Variants in PFKFB3 observed in about 807,000 individuals in gnomAD.
PFKFB3 encodes 6-phosphofructo-2-kinase/fructose-2,6-biphosphatase 3.
In PFKFB3, 33 loss-of-function variants were observed where a neutral mutation model predicts 68.0. That is an observed-to-expected ratio of 0.49 (90% CI 0.37 to 0.65). PFKFB3 has a LOEUF of 0.65. PFKFB3 is among the 30% of genes least tolerant of loss of function. The probability of loss-of-function intolerance (pLI) is 0.00; values close to 1 mark genes in which losing one functional copy is unlikely to be tolerated. For synonymous variants in PFKFB3, 315 were observed against 288.2 expected (o/e 1.09, Z -0.94); for missense variants, 586 against 712.2 (o/e 0.82, Z 2.02).
chr10:6,172,956 C>A (rs551469880), intron 1 of PFKFB3, among the ~76,000 whole-genome samples: 26 of 152,306 alleles, frequency 1.7e-4, no homozygotes, highest in African/African-American at 6.3e-4. Context: ...TCATCTCCCA[C>A]ACCTTCACCT....
At chr10:6,310,906 T>C in the PFKFB3 span, among the ~76,000 whole-genome samples, 1 of 152,242 alleles carries the variant, frequency 6.6e-6, no homozygotes, top group South Asian at 2.1e-4. Context: ...TCTTAAACTT[T>C]GTTTAGTATT....
intron 1 of PFKFB3, among the ~76,000 whole-genome samples, chr10:6,196,097 C>T (rs541171463): frequency 7.3e-4 from 110 of 149,782 alleles, no homozygotes; most frequent in African/African-American, 2.2e-3. Context: ...TGAGACAGCA[C>T]GGGCAGCAGG....
chr10:6,216,633 C>A, intron 4 of PFKFB3, 73 bp from the exon 5 acceptor site: 1 of 1,048,198 alleles, frequency 9.5e-7, no homozygotes, highest in South Asian at 1.3e-5. Context: ...GGTCTGGCAT[C>A]TTTGCTGTTC....
chr10:6,254,108 T>C (rs1846446300), intron 14 of PFKFB3: 1 of 385,098 alleles, frequency 2.6e-6, no homozygotes. Context: ...TTTTTTTTTT[T>C]TTTTTTTCTC....
intron 10 of PFKFB3, 80 bp from the exon 11 acceptor site, chr10:6,222,775 G>A (rs1034462936): frequency 2.2e-5 from 32 of 1,467,124 alleles, no homozygotes; most frequent in Middle Eastern, 1.9e-4. Context: ...CTCTCTGGCC[G>A]GTCTGATGCA....
At chr10:6,147,886 G>C (rs1419280353) in intron 1 of PFKFB3, among the ~76,000 whole-genome samples, 1 of 152,154 alleles carries the variant, frequency 6.6e-6, no homozygotes, top group Non-Finnish European at 1.5e-5. Flanking sequence ...CACAGAGCTG[G>C]GTGGATTTCC....
At chr10:6,172,312 AGCAGAGGAG>A (rs1349207910) in intron 1 of PFKFB3, among the ~76,000 whole-genome samples, 1 of 152,080 alleles carries the variant, frequency 6.6e-6, no homozygotes, top group Non-Finnish European at 1.5e-5. Context: ...GGCCTTTTGG[AGCAGAGGAG>A]GCAGAGGAGT....
At chr10:6,326,345 A>C in the PFKFB3 span, among the ~76,000 whole-genome samples, 1 of 152,164 alleles carries the variant, frequency 6.6e-6, no homozygotes, top group South Asian at 2.1e-4. Context: ...TGCTGGGTTT[A>C]ATACCTACGT....
chr10:6,254,114 TTCTC>T (rs1491029447), intron 14 of PFKFB3: 1 of 337,278 alleles, frequency 3.0e-6, no homozygotes, highest in Admixed American at 6.0e-5. Flanking sequence ...TTTTTTTTTT[TTCTC>T]TTTAGCCCTT....
chr10:6,198,517 C>G (rs1370895710), upstream of PFKFB3, among the ~76,000 whole-genome samples: 3 of 152,218 alleles, frequency 2.0e-5, no homozygotes, highest in African/African-American at 4.8e-5. Context: ...GAGTCTCGCT[C>G]TGTCACTCAG....
chr10:6,320,736 C>T, the PFKFB3 span, among the ~76,000 whole-genome samples: 1 of 152,164 alleles, frequency 6.6e-6, no homozygotes, highest in African/African-American at 2.4e-5. Flanking sequence ...GAAGCAGCAG[C>T]TTCTGTCTGT....
chr10:6,159,769 T>TTTTA (rs202125222), intron 1 of PFKFB3, among the ~76,000 whole-genome samples: 1,571 of 151,616 alleles, frequency 0.01, 63 homozygotes, highest in East Asian at 0.096. Flanking sequence ...GTAAGGTACT[T>TTTTA]TTTATTTATT....
intron 1 of PFKFB3, among the ~76,000 whole-genome samples, chr10:6,177,439 T>C (rs1179019628): frequency 1.1e-3 from 6 of 5,612 alleles, no homozygotes; most frequent in Non-Finnish European, 3.1e-3. Flanking sequence ...CTTTTCTTTC[T>C]CTTTCTTTCT....
At position 6,228,448 on chromosome 10, in the gene PFKFB3, C is replaced by T. The variant is rs1429738314; in HGVS notation, c.1515+2083C>T. Among the ~76,000 whole-genome samples, 1 of 152,086 alleles carries T rather than the reference C, an allele frequency of 6.6e-6. No homozygotes were observed. The highest frequency in any genetic ancestry group is 1.5e-5 in the Non-Finnish European group (1 of 68,020). ...CACTACTGTTGGGTGTGTTCCGACA[C>T]CGCCGCACGACCGCTGGCTTCTCCC... On this transcript the variant is annotated intron_variant, in intron 14 of 14. Coordinates refer to ENST00000379775, the MANE Select transcript of PFKFB3 (RefSeq NM_004566.4). The surrounding 1 kb of genome is among the most constrained non-coding windows in gnomAD (Gnocchi z 4.5).
the PFKFB3 span, among the ~76,000 whole-genome samples, chr10:6,262,067 G>C: frequency 6.6e-6 from 1 of 151,150 alleles, no homozygotes; most frequent in Non-Finnish European, 1.5e-5. Context: ...TAATACCTGG[G>C]TGATGAAATA....
chr10:6,225,343 C>A, intron 13 of PFKFB3: 1 of 399,464 alleles, frequency 2.5e-6, no homozygotes. Flanking sequence ...GGCTGGTGGG[C>A]TGACCTGAGA....
intron 14 of PFKFB3, among the ~76,000 whole-genome samples, chr10:6,252,440 C>G (rs1454276101): frequency 6.6e-6 from 1 of 152,166 alleles, no homozygotes; most frequent in African/African-American, 2.4e-5. Flanking sequence ...TTCATCGATT[C>G]AGTTTCTAGA....
At chr10:6,225,874 C>CT (rs1845314173) in intron 13 of PFKFB3, among the ~76,000 whole-genome samples, 1 of 152,206 alleles carries the variant, frequency 6.6e-6, no homozygotes, top group South Asian at 2.1e-4. Flanking sequence ...AAGCAAAGCT[C>CT]TTTTCTCCGA....
chr10:6,308,248 C>T, the PFKFB3 span, among the ~76,000 whole-genome samples: 1 of 152,236 alleles, frequency 6.6e-6, no homozygotes, highest in Non-Finnish European at 1.5e-5. Context: ...TGCGGTGGCT[C>T]ATGCCCATAA....
Sources: gnomAD v4.1 joint callset for allele counts (sites outside exome capture counted in the v4.1 genomes callset) on GRCh38, gnomAD v4.1.1 for gene constraint, Gnocchi (gnomAD v3.1) non-coding constraint, MANE v1.5 for transcripts, NCBI Gene and HGNC (gene_info 2026-07-23, HGNC 2026-07-21) for gene names.